Variants in RSRC1 observed in about 807,000 individuals in gnomAD.
RSRC1 encodes arginine and serine rich coiled-coil 1, also known as serine/Arginine-related protein 53.
RSRC1 carries 39 observed loss-of-function variants against 49.1 expected under a neutral mutation model. The ratio of observed to expected loss-of-function variants is 0.79; its 90% CI spans 0.61 to 1.04. RSRC1 has a LOEUF of 1.04. Ranked by LOEUF, RSRC1 falls within the 50% of genes least tolerant of loss-of-function variation. The probability of loss-of-function intolerance (pLI) is 0.00; values close to 1 mark genes in which losing one functional copy is unlikely to be tolerated. For missense variants in RSRC1, 388 were observed against 402.4 expected (o/e 0.96, Z 0.31); for synonymous variants, 143 against 130.8 (o/e 1.09, Z -0.63).
intron 6 of RSRC1, among the ~76,000 whole-genome samples, chr3:158,412,792 A>C (rs1235392199): frequency 6.6e-6 from 1 of 152,034 alleles, no homozygotes; most frequent in Non-Finnish European, 1.5e-5. Context: ...ATCTCTACAA[A>C]AACTTTAAAA....
At position 158,511,555 on chromosome 3, in the gene RSRC1, C is replaced by A. The variant is rs751695795; in HGVS notation, c.653-25537C>A. Among the ~76,000 whole-genome samples, 242 of 152,302 alleles carry A rather than the reference C, an allele frequency of 1.6e-3. 3 individuals carry two copies. The highest frequency in any genetic ancestry group is 3.2e-3 in the Non-Finnish European group (216 of 68,032). On this transcript the variant is annotated intron_variant, in intron 7 of 9. Coordinates refer to ENST00000611884, the MANE Select transcript of RSRC1 (RefSeq NM_001271838.2). ...CATTTGGGTTGGTTCCAAGTCTTTG[C>A]TATTGTGAATAGTGCCGCAATAAAC...
At chr3:158,293,298 A>G (rs1727044822) in intron 4 of RSRC1, among the ~76,000 whole-genome samples, 2 of 152,082 alleles carry the variant, frequency 1.3e-5, no homozygotes, top group Admixed American at 6.6e-5. Context: ...ACATATGTGT[A>G]CGTACGTACA....
chr3:158,195,414 G>T (rs1280741834), intron 3 of RSRC1, among the ~76,000 whole-genome samples: 1 of 151,184 alleles, frequency 6.6e-6, no homozygotes, highest in Non-Finnish European at 1.5e-5. Flanking sequence ...TGTCAGATGG[G>T]TAGATTGCAA....
chr3:158,372,329 A>G (rs948416273), intron 6 of RSRC1, among the ~76,000 whole-genome samples: 4 of 151,930 alleles, frequency 2.6e-5, no homozygotes, highest in African/African-American at 9.7e-5. Flanking sequence ...TAATGTTTAT[A>G]TATGATGAAG....
In RSRC1 at chr3:158,355,318, A is replaced by G. The variant is rs370036170; in HGVS notation, c.583+410A>G. ...TGGAGGAGTTAGTCTTAAATGTAAC[A>G]TGTAAAACCATAAAACTTTATATTT... On this transcript the variant is annotated intron_variant, in intron 6 of 9. Transcript: ENST00000611884. Among the ~76,000 whole-genome samples the G allele has an allele frequency of 3.3e-5, 5 of 151,858 alleles. No individual in the cohort carries two copies. In the South Asian group the frequency reaches 8.3e-4, roughly 25 times the overall value.
intron 3 of RSRC1, among the ~76,000 whole-genome samples, chr3:158,130,765 G>A (rs1463225151): frequency 6.6e-6 from 1 of 152,100 alleles, no homozygotes; most frequent in East Asian, 1.9e-4. Context: ...TTTTGGATTA[G>A]TGTATGTAGA....
At chr3:158,125,908 A>G (rs1455153191) in intron 3 of RSRC1, among the ~76,000 whole-genome samples, 2 of 152,144 alleles carry the variant, frequency 1.3e-5, no homozygotes, top group African/African-American at 4.8e-5. Context: ...ATATATATAT[A>G]ATTGTTATAT....
intron 2 of RSRC1, among the ~76,000 whole-genome samples, chr3:158,123,063 G>A (rs560589782): frequency 3.9e-5 from 6 of 152,334 alleles, no homozygotes; most frequent in African/African-American, 1.4e-4. Context: ...CCAGGCTGGA[G>A]TACAATGGCG....
chr3:158,467,957 G>A (rs939277599), intron 7 of RSRC1, among the ~76,000 whole-genome samples: 32 of 151,982 alleles, frequency 2.1e-4, no homozygotes, highest in African/African-American at 2.9e-4. Context: ...TTTTTGAGAC[G>A]GAGTCTCGCT....
chr3:158,306,525 GGTTACCTTGATTA>G (rs1257425924), intron 5 of RSRC1, among the ~76,000 whole-genome samples: 1 of 151,588 alleles, frequency 6.6e-6, no homozygotes, highest in East Asian at 1.9e-4. Context: ...TTTTTACTTT[GGTTACCTTGATTA>G]CAGTATGTGT....
chr3:158,455,021 C>A (rs1284460970), intron 6 of RSRC1, among the ~76,000 whole-genome samples: 1 of 152,064 alleles, frequency 6.6e-6, no homozygotes, highest in East Asian at 1.9e-4. Flanking sequence ...AGGGAGGTAC[C>A]ATTGTTTTGC....
chr3:158,334,464 G>A (rs73170306), intron 5 of RSRC1, among the ~76,000 whole-genome samples: 33,455 of 148,964 alleles, frequency 0.22, 4,311 homozygotes, highest in South Asian at 0.31. Context: ...TTTTAAAAAG[G>A]TCTCAATTTC....
intron 5 of RSRC1, among the ~76,000 whole-genome samples, chr3:158,299,318 A>G (rs1727404154): frequency 6.6e-6 from 1 of 151,558 alleles, no homozygotes; most frequent in African/African-American, 2.4e-5. Context: ...TTTATTTTTT[A>G]TTTTTATTTA....
intron 6 of RSRC1, among the ~76,000 whole-genome samples, chr3:158,366,648 A>G (rs1227702872): frequency 6.6e-6 from 1 of 151,978 alleles, no homozygotes; most frequent in Admixed American, 6.5e-5. Context: ...TTTTGTTTCC[A>G]TATGAACTTT....
intron 1 of RSRC1, among the ~76,000 whole-genome samples, chr3:158,117,869 A>G (rs1714943568): frequency 6.9e-6 from 1 of 145,582 alleles, no homozygotes; most frequent in Non-Finnish European, 1.5e-5. Flanking sequence ...TGTTTGTAAA[A>G]TGTCTGTCTC....
chr3:158,115,284 G>A (rs1026919066), intron 1 of RSRC1, among the ~76,000 whole-genome samples: 4 of 151,936 alleles, frequency 2.6e-5, no homozygotes, highest in Admixed American at 6.6e-5. Flanking sequence ...ATTTATACTC[G>A]CCTTCTCCTG....
At chr3:158,168,421 A>C (rs1718664693) in intron 3 of RSRC1, among the ~76,000 whole-genome samples, 2 of 152,234 alleles carry the variant, frequency 1.3e-5, no homozygotes, top group South Asian at 4.1e-4. Flanking sequence ...TATGCAATAA[A>C]AAATTAACTG....
intron 5 of RSRC1, among the ~76,000 whole-genome samples, chr3:158,333,126 G>C (rs1270031140): frequency 6.6e-6 from 1 of 152,032 alleles, no homozygotes; most frequent in Non-Finnish European, 1.5e-5. Context: ...CTGCCACCAT[G>C]CCCAGCTAAT....
At chr3:158,371,156 A>G (rs981985780) in intron 6 of RSRC1, among the ~76,000 whole-genome samples, 1 of 151,854 alleles carries the variant, frequency 6.6e-6, no homozygotes, top group African/African-American at 2.4e-5. Context: ...AGTTATTTAT[A>G]TATTCTAAAT....
Sources: allele counts gnomAD v4.1 joint callset (sites outside exome capture counted in the v4.1 genomes callset), GRCh38; gene constraint gnomAD v4.1.1; transcripts MANE v1.5; gene names NCBI Gene and HGNC (gene_info 2026-07-23, HGNC 2026-07-21).